The following TNRC6B variants were observed in gnomAD, a reference collection of about 807,000 sequenced individuals.
The protein encoded by TNRC6B is trinucleotide repeat-containing gene 6B protein.
TNRC6B carries 52 observed loss-of-function variants against 203.6 expected under a neutral mutation model. The observed-to-expected ratio is 0.26, with a 90% CI of 0.20 to 0.32. The LOEUF is 0.32. TNRC6B is among the 10% of genes least tolerant of loss of function. TNRC6B has a pLI of 1.00. For missense variants in TNRC6B, 1,923 were observed against 2,286.2 expected, an observed-to-expected ratio of 0.84 and a Z score of 3.24; for synonymous variants, 838 against 845.7, an observed-to-expected ratio of 0.99 and a Z score of 0.16.
intron 12 of TNRC6B, among the ~76,000 whole-genome samples, chr22:40,296,972 A>G (rs1007302128): frequency 5.3e-5 from 8 of 152,160 alleles, no homozygotes; most frequent in African/African-American, 1.7e-4. Context: ...AGAAATAAGG[A>G]AAAAGTAGCT....
At chr22:40,233,785 TC>T (rs1409868289) in intron 1 of TNRC6B, among the ~76,000 whole-genome samples, 1 of 152,206 alleles carries the variant, frequency 6.6e-6, no homozygotes. Flanking sequence ...ATTCTGAGCC[TC>T]ACGTTCTTTT....
intron 15 of TNRC6B, among the ~76,000 whole-genome samples, chr22:40,303,567 C>T (rs1374981633): frequency 6.6e-6 from 1 of 151,980 alleles, no homozygotes; most frequent in Non-Finnish European, 1.5e-5. Context: ...TGTGACCTGA[C>T]CATTTATAAT....
intron 1 of TNRC6B, among the ~76,000 whole-genome samples, chr22:40,186,113 T>A (rs1361491081): frequency 6.6e-6 from 1 of 151,940 alleles, no homozygotes; most frequent in Non-Finnish European, 1.5e-5. Flanking sequence ...GAGGTCACCA[T>A]GGGACTGTAA....
At chr22:40,092,978 G>A (rs997355982) in intron 1 of TNRC6B, among the ~76,000 whole-genome samples, 15 of 152,334 alleles carry the variant, frequency 9.8e-5, no homozygotes, top group African/African-American at 3.6e-4. Context: ...TGCAACTGGT[G>A]TATGCCACTA....
intron 1 of TNRC6B, among the ~76,000 whole-genome samples, chr22:40,208,860 T>A (rs1485090760): frequency 6.6e-6 from 1 of 152,202 alleles, no homozygotes; most frequent in African/African-American, 2.4e-5. Context: ...TCTTTGCCAA[T>A]GAGAGATGCC....
intron 2 of TNRC6B, among the ~76,000 whole-genome samples, chr22:40,119,664 A>T (rs73428270): frequency 6.6e-6 from 1 of 152,190 alleles, no homozygotes; most frequent in African/African-American, 2.4e-5. Context: ...ATGAGGGGAC[A>T]TGACTTGTCA....
chr22:40,194,923 G>C (rs966792315), intron 1 of TNRC6B, among the ~76,000 whole-genome samples: 2 of 152,204 alleles, frequency 1.3e-5, no homozygotes, highest in African/African-American at 4.8e-5. Context: ...TCTGAGTCCT[G>C]TGATGTATCA....
intron 4 of TNRC6B, among the ~76,000 whole-genome samples, chr22:40,262,962 C>T (rs2070409567): frequency 6.6e-6 from 1 of 151,608 alleles, no homozygotes; most frequent in South Asian, 2.1e-4. Context: ...ATGGCGTCAA[C>T]CCAGGAGGCG....
chr22:40,178,239 T>C, intron 1 of TNRC6B, 99 bp downstream of exon 1: 1 of 1,377,274 alleles, frequency 7.3e-7, no homozygotes, highest in Non-Finnish European at 1.0e-6. Context: ...TTGTCTAGCA[T>C]GGAGACTGGC....
intron 3 of TNRC6B, among the ~76,000 whole-genome samples, chr22:40,260,678 G>A (rs1452044565): frequency 6.6e-6 from 1 of 152,168 alleles, no homozygotes; most frequent in Non-Finnish European, 1.5e-5. Flanking sequence ...TTGGACTGAG[G>A]CTTGAAACCT....
intron 2 of TNRC6B, among the ~76,000 whole-genome samples, chr22:40,123,365 AAAATAGAACAGCC>A (rs1369859182): frequency 6.6e-6 from 1 of 152,218 alleles, no homozygotes; most frequent in Non-Finnish European, 1.5e-5. Flanking sequence ...AGACTTAAGA[AAAATAGAACAGCC>A]AAATAGGAGA....
intron 1 of TNRC6B, among the ~76,000 whole-genome samples, chr22:40,195,162 A>G (rs1283000354): frequency 6.6e-6 from 1 of 152,184 alleles, no homozygotes; most frequent in African/African-American, 2.4e-5. Flanking sequence ...TTTGCTCTTG[A>G]GGCAATTTGG....
chr22:40,067,105 T>C (rs1002564593), intron 1 of TNRC6B, among the ~76,000 whole-genome samples: 1 of 152,082 alleles, frequency 6.6e-6, no homozygotes, highest in Non-Finnish European at 1.5e-5. Context: ...AGTTTCGCCA[T>C]GTTGCCCAGG....
chr22:40,187,148 G>T (rs562450757), intron 1 of TNRC6B, among the ~76,000 whole-genome samples: 1 of 152,166 alleles, frequency 6.6e-6, no homozygotes. Context: ...CAGTAGCCAC[G>T]TGCGGCTACT....
At chr22:40,077,935 T>C (rs2068032570) in intron 1 of TNRC6B, among the ~76,000 whole-genome samples, 1 of 152,256 alleles carries the variant, frequency 6.6e-6, no homozygotes, top group African/African-American at 2.4e-5. Context: ...CATAGGTACT[T>C]AATTTCTCAT....
intron 1 of TNRC6B, among the ~76,000 whole-genome samples, chr22:40,186,450 A>G (rs550451585): frequency 2.0e-5 from 3 of 152,212 alleles, no homozygotes; most frequent in South Asian, 4.1e-4. Context: ...ACATTAAAAA[A>G]GTAAACAGTC....
chr22:40,253,556 A>G (rs1232935520), intron 3 of TNRC6B: 1 of 455,448 alleles, frequency 2.2e-6, no homozygotes, highest in African/African-American at 2.0e-5. Flanking sequence ...ATAATGAAAT[A>G]CAGTTTCACA....
chr22:40,335,033 TCTTATA>T lies in TNRC6B; in HGVS notation c.*11796_*11801del, dbSNP rs1188066784. The T allele has an allele frequency of 1.3e-5, 2 of 152,576 alleles. No individual in the cohort carries two copies. The highest frequency in any genetic ancestry group is 2.9e-5 in the Non-Finnish European group (2 of 68,020). The allele number at this position is 152,576 out of a possible 1,614,324, so 9.5% of individuals were successfully genotyped here. A position where few individuals can be genotyped will look rare whatever the true frequency, so the allele number is the denominator to read the frequency against. ...AAGTTACCTTTAAGTGTTTTTTTTTTCTTATACTTGAAGTTGCTTTTACGATATTAT... is the reference window on the plus strand; with the variant it reads ...AAGTTACCTTTAAGTGTTTTTTTTTTCTTGAAGTTGCTTTTACGATATTAT... On this transcript the variant is annotated 3_prime_UTR_variant, in exon 23 of 23. Coordinates refer to ENST00000454349, the MANE Select transcript of TNRC6B (RefSeq NM_001162501.2).
At chr22:40,152,871 C>A (rs1283998363) in intron 3 of TNRC6B, among the ~76,000 whole-genome samples, 1 of 151,944 alleles carries the variant, frequency 6.6e-6, no homozygotes, top group Non-Finnish European at 1.5e-5. Context: ...GAGGCTGAGG[C>A]AGATGGGTCA....
Sources: gnomAD v4.1 joint callset for allele counts (sites outside exome capture counted in the v4.1 genomes callset) on GRCh38, gnomAD v4.1.1 for gene constraint, MANE v1.5 for transcripts, NCBI Gene and HGNC (gene_info 2026-07-23, HGNC 2026-07-21) for gene names.